The following SNAPC4 variants were observed in gnomAD, a reference collection of about 807,000 sequenced individuals.
SNAPC4 encodes the protein small nuclear RNA activating complex polypeptide 4, also known as snRNA-activating protein complex subunit 4.
SNAPC4 carries 127 observed loss-of-function variants against 151.3 expected under a neutral mutation model. The ratio of observed to expected loss-of-function variants is 0.84; its 90% CI spans 0.73 to 0.97. The LOEUF (loss-of-function observed/expected upper bound fraction) is 0.97, where lower values mean the gene tolerates loss of function less well. SNAPC4 is among the 50% of genes least tolerant of loss of function. The pLI, the probability that SNAPC4 is intolerant of heterozygous loss-of-function variation, is 0.00. For missense variants in SNAPC4, 2,186 were observed against 1,935.0 expected (o/e 1.13, Z -2.43); for synonymous variants, 1,002 against 824.4 (o/e 1.22, Z -3.69).
At chr9:136,396,758 G>A (rs545069518) in intron 3 of SNAPC4, among the ~76,000 whole-genome samples, 1 of 152,318 alleles carries the variant, frequency 6.6e-6, no homozygotes, top group South Asian at 2.1e-4. Context: ...AATGAGCTCA[G>A]AAAAAACCCA....
In SNAPC4 at chr9:136,395,644, C is replaced by A. The variant is rs749556791; in HGVS notation, c.304G>T (p.Ala102Ser). 1.2e-6 allele frequency: 2 copies of A among 1,612,848 alleles called. No homozygotes were observed. Among genetic ancestry groups the A allele is most frequent in the South Asian group, 2.2e-5 (2 of 91,086 alleles). Residue 102 changes from alanine to serine, a missense_variant, in exon 4 of 24, where the codon GCT becomes TCT. By Grantham distance (99) the Ala-to-Ser change is moderately conservative. Coordinates refer to ENST00000684778, the MANE Select transcript of SNAPC4 (RefSeq NM_003086.4). ...VYQEVIQEKL[A>S]EANLLLAQNR... ...TGGGCCAGCAGCAGGTTGGCCTCAG[C>A]CAGCTTCTCCTGGATGACCTCCTGG...
intron 23 of SNAPC4, among the ~76,000 whole-genome samples, chr9:136,376,049 G>C (rs903643550): frequency 1.1e-4 from 16 of 152,216 alleles, no homozygotes; most frequent in Admixed American, 1.0e-3. Context: ...AGCAATGCAC[G>C]GGAACAGGGC....
In SNAPC4 at chr9:136,377,766, T is replaced by C. The variant is rs1262967114; in HGVS notation, c.4061A>G (p.Gln1354Arg). 3.1e-6 allele frequency: 5 copies of C among 1,611,242 alleles called. No individual in the cohort carries two copies. The African/African-American group carries it at 4.0e-5, about 13-fold the overall frequency. Residue 1354 changes from glutamine to arginine, a missense_variant, in exon 22 of 24, where the codon CAG becomes CGG. Transcript: ENST00000684778. ...LQASLGLVRG[Q>R]LQDNPAYLLL... The stretch of plus-strand genomic sequence containing the variant: ...GAGGTAGGCCGGGTTGTCCTGGAGC[T>C]GCCCCCGCACCAGCCCCAGTGAGGC...
At chr9:136,395,451 T>C (rs1221550554) in intron 4 of SNAPC4, 28 bp from the exon 5 acceptor site, 1 of 1,605,894 alleles carries the variant, frequency 6.2e-7, no homozygotes. Flanking sequence ...CAGGGACCCC[T>C]CTATGGACCA....
intron 5 of SNAPC4, 87 bp from the exon 6 acceptor site, chr9:136,394,965 C>T: frequency 8.2e-7 from 1 of 1,212,488 alleles, no homozygotes. Context: ...CACAAAAGGA[C>T]TCGGGCTCCC....
chr9:136,377,582 G>C lies in SNAPC4; in HGVS notation c.4245C>G (p.Asp1415Glu), dbSNP rs145266725. The change falls in exon 22 of 24, where the codon GAC (aspartate) becomes GAG (glutamate). Residue 1415 changes from aspartate to glutamate, a missense_variant. Physicochemically the swap from Asp to Glu is conservative, Grantham distance 45. Transcript: ENST00000684778. ...TGGCTGTCGTGCAGCCCGGCTGCCC[G>C]TCCCTGTCTGCAAGTTCCAGCTCAC... ...LLSELELADR[D>E]GQPGCTTATC... The C allele has an allele frequency of 2.0e-6, 3 of 1,525,550 alleles. No individual in the cohort carries two copies. Among genetic ancestry groups the C allele is most frequent in the Non-Finnish European group, 2.6e-6 (3 of 1,134,518 alleles). 94.5% of individuals were successfully genotyped at this position (1,525,550 alleles called of 1,614,324 possible).
In SNAPC4 at chr9:136,387,501, C is replaced by T. The variant is rs149218583; in HGVS notation, c.1309G>A (p.Ala437Thr). ...GCGACTCACCGATCTCGGCACTGGGCATCGCTCCTACCTGGCACCTCTTCC... is the reference window on the plus strand; with the variant it reads ...GCGACTCACCGATCTCGGCACTGGGTATCGCTCCTACCTGGCACCTCTTCC... ...IREEVPGRSD[A>T]QCRDRYLRRL... is the part of the protein sequence containing the mutation. Residue 437 changes from alanine (A) to threonine (T), a missense_variant, in exon 13 of 24, where the codon GCC (alanine) becomes ACC (threonine). Ala to Thr is a moderately conservative substitution (Grantham distance 58). Coordinates refer to ENST00000684778, the MANE Select transcript of SNAPC4 (RefSeq NM_003086.4). The T allele has an allele frequency of 4.8e-5, 78 of 1,612,970 alleles. No homozygotes were observed. The highest frequency in any genetic ancestry group is 1.6e-4 in the Middle Eastern group (1 of 6,062).
rs781460467 is a variant in SNAPC4, at chr9:136,394,341, G to A, written c.551-11C>T. 5.0e-6 allele frequency: 8 copies of A among 1,610,196 alleles called. No homozygotes were observed. Among genetic ancestry groups the A allele is most frequent in the East Asian group, 4.5e-5 (2 of 44,886 alleles). On this transcript the variant is annotated splice_polypyrimidine_tract_variant and intron_variant, in intron 6 of 23. Transcript: ENST00000684778. ...TTTCCCAGTTTTTCCCTGAGGAGAA[G>A]CCACAGCATCATCACTGGGGGTCTG...
intron 20 of SNAPC4, 60 bp downstream of exon 20, chr9:136,380,680 C>G: frequency 1.0e-6 from 1 of 986,148 alleles, no homozygotes; most frequent in Non-Finnish European, 1.6e-6. Context: ...CCGTGGAAAC[C>G]CACTCCAACG....
At chr9:136,397,947 C>T (rs951457505) in intron 2 of SNAPC4, among the ~76,000 whole-genome samples, 1 of 152,124 alleles carries the variant, frequency 6.6e-6, no homozygotes, top group South Asian at 2.1e-4. Flanking sequence ...AGTGTACACA[C>T]ACAGCCAGCT....
At position 136,395,608 on chromosome 9, in the gene SNAPC4, G is replaced by T; in HGVS notation, c.340C>A (p.Gln114Lys). Reference protein sequence around the residue: ...ANLLLAQNREQQEELMRDLAG... With the variant: ...ANLLLAQNREKQEELMRDLAG... ...GGGGCCGAGGCCCATCCCACCTGCTGCTCCCGGTTCTGGGCCAGCAGCAGG... is the reference window on the plus strand; with the variant it reads ...GGGGCCGAGGCCCATCCCACCTGCTTCTCCCGGTTCTGGGCCAGCAGCAGG... Residue 114 changes from glutamine (Q) to lysine (K), a missense_variant, in exon 4 of 24, where the codon CAG becomes AAG. Gln to Lys is a moderately conservative substitution (Grantham distance 53, BLOSUM62 1). Coordinates refer to ENST00000684778, the MANE Select transcript of SNAPC4 (RefSeq NM_003086.4). 1 of 1,610,634 alleles carries T rather than the reference G, an allele frequency of 6.2e-7. No homozygotes were observed. The highest frequency in any genetic ancestry group is 8.5e-7 in the Non-Finnish European group (1 of 1,178,564).
At chr9:136,398,276 G>A (rs772854289) in intron 2 of SNAPC4, 23 bp downstream of exon 2, 13 of 1,600,622 alleles carry the variant, frequency 8.1e-6, no homozygotes, top group Middle Eastern at 1.7e-4. Context: ...AGGACCCCAG[G>A]AGGCTAGGTA....
chr9:136,393,671 G>A (rs1308040933), intron 7 of SNAPC4, among the ~76,000 whole-genome samples: 1 of 151,138 alleles, frequency 6.6e-6, no homozygotes, highest in Non-Finnish European at 1.5e-5. Flanking sequence ...ACCTCTCATC[G>A]TGGCCGTGTG....
chr9:136,396,333 A>G (rs955263265), intron 3 of SNAPC4, among the ~76,000 whole-genome samples: 5 of 152,240 alleles, frequency 3.3e-5, no homozygotes, highest in Non-Finnish European at 5.9e-5. Flanking sequence ...CAAATCGCCA[A>G]CGTTTTCCAA....
intron 6 of SNAPC4, 35 bp downstream of exon 6, chr9:136,394,765 C>T: frequency 6.3e-7 from 1 of 1,599,480 alleles, no homozygotes; most frequent in East Asian, 2.2e-5. Flanking sequence ...GTGTCCCAAG[C>T]TCAGGGGTGC....
intron 10 of SNAPC4, 37 bp from the exon 11 acceptor site, chr9:136,388,628 G>A (rs1833971415): frequency 3.1e-6 from 5 of 1,612,536 alleles, no homozygotes; most frequent in South Asian, 1.1e-5. Flanking sequence ...GAGTGTTACT[G>A]CGCGGCAGGA....
rs760143508 is a variant in SNAPC4 at position 136,387,853 on chromosome 9, G to A, written c.1124-5C>T. The A allele has an allele frequency of 5.9e-6, 9 of 1,530,288 alleles. No individual in the cohort carries two copies. The East Asian group carries it at 1.6e-4, about 27-fold the overall frequency. The allele number at this position is 1,530,288 out of a possible 1,614,324, so 94.8% of individuals were successfully genotyped here. A position where few individuals can be genotyped will look rare whatever the true frequency, so the allele number is the denominator to read the frequency against. On this transcript the variant is annotated splice_region_variant and splice_polypyrimidine_tract_variant and intron_variant, in intron 11 of 23. Coordinates refer to ENST00000684778, the MANE Select transcript of SNAPC4 (RefSeq NM_003086.4). The stretch of plus-strand genomic sequence containing the variant: ...TCCCTTCCATATAGTAGACAACTAG[G>A]GACAGAGGAACAGGGAGGTCCTGTG...
At chr9:136,389,246 T>C (rs1833990339) in intron 10 of SNAPC4, among the ~76,000 whole-genome samples, 3 of 152,166 alleles carry the variant, frequency 2.0e-5, no homozygotes. Context: ...ACCTGAACCC[T>C]GTTCTCTGAA....
At chr9:136,395,826 C>T in intron 3 of SNAPC4, 56 bp from the exon 4 acceptor site, 1 of 1,538,934 alleles carries the variant, frequency 6.5e-7, no homozygotes, top group Non-Finnish European at 8.9e-7. Flanking sequence ...GCTCCCCTGT[C>T]CTCGGCAGCC....
Sources: allele counts gnomAD v4.1 joint callset (sites outside exome capture counted in the v4.1 genomes callset), GRCh38; gene constraint gnomAD v4.1.1; transcripts MANE v1.5; gene names NCBI Gene and HGNC (gene_info 2026-07-23, HGNC 2026-07-21).